The following SMC2 variants were observed in gnomAD, a reference collection of about 807,000 sequenced individuals.
The protein encoded by SMC2 is structural maintenance of chromosomes 2.
A neutral mutation model predicts 142.6 loss-of-function variants in SMC2; 41 were observed. The ratio of observed to expected loss-of-function variants is 0.29; its 90% CI spans 0.22 to 0.37. The LOEUF (loss-of-function observed/expected upper bound fraction) is 0.37. Among genes scored for constraint, SMC2 ranks in the 10% least tolerant of loss-of-function variants. SMC2 has a pLI of 1.00. For synonymous variants in SMC2, 463 were observed against 457.5 expected, an observed-to-expected ratio of 1.01 and a Z score of -0.15; for missense variants, 1,265 against 1,373.7, an observed-to-expected ratio of 0.92 and a Z score of 1.25.
intron 20 of SMC2, 41 bp from the exon 21 acceptor site, chr9:104,129,604 A>G (rs367571799): frequency 2.0e-6 from 3 of 1,476,470 alleles, no homozygotes; most frequent in South Asian, 2.3e-5. Context: ...ATTGGTTTGT[A>G]AACATTCATA....
chr9:104,111,682 A>T lies in SMC2; in HGVS notation c.1122A>T (p.Ala374=), dbSNP rs1302400413. Residue 374 remains alanine (A), a synonymous_variant, in exon 10 of 25, where the codon GCA becomes GCT. Coordinates refer to ENST00000374793, the MANE Select transcript of SMC2 (RefSeq NM_006444.3). Reference sequence around the variant, plus strand: ...GTAATAAAGATGCTGAAGCTCTGGCAGCTGCACAGCAGCACTTCAATGCTG... The same window carrying T: ...GTAATAAAGATGCTGAAGCTCTGGCTGCTGCACAGCAGCACTTCAATGCTG... ...EASNKDAEAL[A]AAQQHFNAVS... 6.2e-7 allele frequency: 1 copy of T among 1,614,052 alleles called. No individual in the cohort carries two copies. The highest frequency in any genetic ancestry group is 1.3e-5 in the African/African-American group (1 of 75,060).
intron 4 of SMC2, among the ~76,000 whole-genome samples, chr9:104,099,217 G>T (rs78074292): frequency 0.057 from 8,631 of 152,066 alleles, 658 homozygotes; most frequent in African/African-American, 0.18. Flanking sequence ...GTAAAATATT[G>T]TATTTTGTTT....
intron 4 of SMC2, 92 bp downstream of exon 4, chr9:104,098,660 A>AT: frequency 7.8e-7 from 1 of 1,290,012 alleles, no homozygotes; most frequent in South Asian, 1.4e-5. Flanking sequence ...TATGTTTTGG[A>AT]TTTTATACTT....
At chr9:104,097,372 C>T (rs1387195980) in intron 3 of SMC2, among the ~76,000 whole-genome samples, 1 of 151,310 alleles carries the variant, frequency 6.6e-6, no homozygotes, top group Non-Finnish European at 1.5e-5. Context: ...TCCCAAAGTG[C>T]TAGGATTACA....
At chr9:104,102,358 A>T (rs1297536357) in intron 8 of SMC2, 66 bp from the exon 9 acceptor site, 3 of 1,431,996 alleles carry the variant, frequency 2.1e-6, no homozygotes, top group Admixed American at 2.2e-5. Flanking sequence ...TACAGAACTC[A>T]TACAATAAAA....
rs483377 is a variant in SMC2, at chr9:104,140,018, A to C, written c.*703A>C. 6.6e-6 allele frequency: 1 copy of C among 152,088 alleles called. No homozygotes were observed. Among genetic ancestry groups the C allele is most frequent in the Non-Finnish European group, 1.5e-5 (1 of 67,996 alleles). The allele number at this position is 152,088 out of a possible 1,614,324, so 9.4% of individuals were successfully genotyped here. On this transcript the variant is annotated 3_prime_UTR_variant, in exon 25 of 25. Transcript: ENST00000374793. ...ATGTTTTTGTTTTTTTAAGCTGTGT[A>C]AGTATTTTTAAATCAAAGCTTAGGA...
chr9:104,096,182 A>C lies in SMC2; in HGVS notation c.203A>C (p.Lys68Thr). Residue 68 changes from lysine (K) to threonine (T), a missense_variant, in exon 3 of 25, where the codon AAA becomes ACA. Lys to Thr is a moderately conservative substitution (Grantham distance 78). This residue lies in a region of SMC2 where 168 missense variants were observed against 184.8 expected (regional missense o/e 0.91). Coordinates refer to ENST00000374793, the MANE Select transcript of SMC2 (RefSeq NM_006444.3). Reference protein sequence around the residue: ...RASNLQDLVYKNGQAGITKAS... With the variant: ...RASNLQDLVYTNGQAGITKAS... The stretch of plus-strand genomic sequence containing the variant: ...TCTAATTTACAAGATTTAGTTTACA[A>C]AAATGGGCAGGCTGGTATTACCAAA... 1 of 1,613,794 alleles carries C rather than the reference A, an allele frequency of 6.2e-7. No homozygotes were observed. The highest frequency in any genetic ancestry group is 1.1e-5 in the South Asian group (1 of 91,050).
chr9:104,120,512 T>C (rs890643667), intron 16 of SMC2, among the ~76,000 whole-genome samples: 30 of 152,222 alleles, frequency 2.0e-4, no homozygotes, highest in Non-Finnish European at 2.5e-4. Flanking sequence ...GATTTCTTGA[T>C]TTGACATGAA....
chr9:104,125,019 C>T lies in SMC2; in HGVS notation c.2365C>T (p.Arg789Ter). ...GAAAAATGCAGAAGCTGAAAGAGAG[C>T]GAGAACTGAAAGATGCTCAGAAAAA... ...KMKNAEAERE[R>*]ELKDAQKKLD... is the part of the protein sequence containing the mutation. The change falls in exon 18 of 25, where the codon CGA becomes TGA. Residue 789 changes from arginine to a stop codon, truncating the protein, a stop_gained. Coordinates refer to ENST00000374793, the MANE Select transcript of SMC2 (RefSeq NM_006444.3). LOFTEE classifies it high-confidence loss of function. 1 of 1,605,902 alleles carries T rather than the reference C, an allele frequency of 6.2e-7. No individual in the cohort carries two copies. Among genetic ancestry groups the T allele is most frequent in the Non-Finnish European group, 8.5e-7 (1 of 1,177,746 alleles).
At chr9:104,136,939 C>T (rs1348132257) in intron 23 of SMC2, among the ~76,000 whole-genome samples, 2 of 151,714 alleles carry the variant, frequency 1.3e-5, no homozygotes, top group Non-Finnish European at 2.9e-5. Flanking sequence ...CTTGAGGTCA[C>T]GAGTTCAAGA....
At chr9:104,131,792 G>A (rs1304983170) in intron 21 of SMC2, among the ~76,000 whole-genome samples, 1 of 150,600 alleles carries the variant, frequency 6.6e-6, no homozygotes, top group Non-Finnish European at 1.5e-5. Flanking sequence ...TCCTAATTTT[G>A]TTAAGAGTGT....
chr9:104,109,225 C>T (rs1302761519), intron 9 of SMC2, among the ~76,000 whole-genome samples: 1 of 152,294 alleles, frequency 6.6e-6, no homozygotes, highest in East Asian at 1.9e-4. Context: ...CCCTCAACTA[C>T]CCAAACCCAC....
chr9:104,129,517 A>AT (rs1834702199), intron 20 of SMC2, 128 bp from the exon 21 acceptor site: 1 of 776,642 alleles, frequency 1.3e-6, no homozygotes, highest in African/African-American at 1.8e-5. Context: ...AAAAAAAAAA[A>AT]ATTAGTCATT....
chr9:104,120,397 A>G (rs1587961192), intron 16 of SMC2, among the ~76,000 whole-genome samples: 1 of 152,346 alleles, frequency 6.6e-6, no homozygotes, highest in East Asian at 1.9e-4. Context: ...AAACAAAAAA[A>G]TCATTCAAAT....
At chr9:104,102,622 G>A in intron 9 of SMC2, 49 bp downstream of exon 9, 1 of 1,542,130 alleles carries the variant, frequency 6.5e-7, no homozygotes, top group Non-Finnish European at 8.8e-7. Context: ...CAAGTATATA[G>A]TCTCATTAGT....
chr9:104,098,600 G>A (rs750164954), intron 4 of SMC2, 32 bp downstream of exon 4: 39 of 1,562,934 alleles, frequency 2.5e-5, no homozygotes, highest in East Asian at 4.7e-5. Flanking sequence ...TATCACTTTC[G>A]TAATAGTTTC....
intron 20 of SMC2, among the ~76,000 whole-genome samples, chr9:104,128,279 T>G (rs1413542157): frequency 6.6e-6 from 1 of 152,222 alleles, no homozygotes; most frequent in African/African-American, 2.4e-5. Context: ...AACAACATTT[T>G]TCATGGCTAC....
At chr9:104,132,430 G>T (rs1835084146) in intron 22 of SMC2, among the ~76,000 whole-genome samples, 2 of 152,074 alleles carry the variant, frequency 1.3e-5, no homozygotes, top group Non-Finnish European at 2.9e-5. Flanking sequence ...AACTTTGGCA[G>T]ATCTTAGGCT....
intron 7 of SMC2, among the ~76,000 whole-genome samples, chr9:104,101,040 G>C (rs1294502924): frequency 6.6e-6 from 1 of 151,998 alleles, no homozygotes; most frequent in African/African-American, 2.4e-5. Flanking sequence ...CGGTCTCAAG[G>C]GATCCTCCCA....
Sources: gnomAD v4.1 joint callset for allele counts (sites outside exome capture counted in the v4.1 genomes callset) on GRCh38, gnomAD v4.1.1 for gene constraint, gnomAD v4.1.1 regional missense constraint, MANE v1.5 for transcripts, NCBI Gene and HGNC (gene_info 2026-07-23, HGNC 2026-07-21) for gene names.